The following LAMA2 variants were observed in gnomAD, a reference collection of about 807,000 sequenced individuals.
The protein encoded by LAMA2 is laminin subunit alpha-2.
In LAMA2, 269 loss-of-function variants were observed where a neutral mutation model predicts 364.8. That is an observed-to-expected ratio of 0.74 (90% CI 0.67 to 0.82). LAMA2 has a LOEUF of 0.82. Among genes scored for constraint, LAMA2 ranks in the 40% least tolerant of loss-of-function variants. The pLI is 0.00. For synonymous variants in LAMA2, 1,379 were observed against 1,370.6 expected, an observed-to-expected ratio of 1.01 and a Z score of -0.14; for missense variants, 3,807 against 3,873.2, an observed-to-expected ratio of 0.98 and a Z score of 0.45.
At chr6:129,058,005 G>C (rs542253978) in intron 2 of LAMA2, among the ~76,000 whole-genome samples, 12 of 152,132 alleles carry the variant, frequency 7.9e-5, no homozygotes, top group Non-Finnish European at 1.6e-4. Context: ...AAACACAGGA[G>C]TACAGGGAAG....
At position 129,192,773 on chromosome 6, in the gene LAMA2, A is replaced by G. The variant is rs754994339; in HGVS notation, c.1702A>G (p.Ser568Gly). 2.5e-6 allele frequency: 4 copies of G among 1,614,214 alleles called. No homozygotes were observed. The Admixed American group carries it at 6.7e-5, about 27-fold the overall frequency. ...CGACTTGGACTCACCTCAGCAGATC[A>G]GCATCAGTAACGCGGAGGCCCGGCA... ...QDDLDSPQQI[S>G]ISNAEARQAL... The change falls in exon 12 of 65, where the codon AGC becomes GGC. Residue 568 changes from serine (S) to glycine (G), a missense_variant. By Grantham distance (56) the Ser-to-Gly change is moderately conservative (BLOSUM62 0). Transcript: ENST00000421865.
At chr6:129,320,293 C>T (rs1167016997) in intron 27 of LAMA2, among the ~76,000 whole-genome samples, 5 of 152,100 alleles carry the variant, frequency 3.3e-5, no homozygotes, top group Non-Finnish European at 1.5e-5. Context: ...GGGATTGGTC[C>T]TGCTATCTCT....
At chr6:129,332,079 A>G (rs1406679446) in intron 29 of LAMA2, among the ~76,000 whole-genome samples, 1 of 152,208 alleles carries the variant, frequency 6.6e-6, no homozygotes, top group African/African-American at 2.4e-5. Flanking sequence ...ACATTCATTC[A>G]GATGGTGATC....
At chr6:128,927,967 C>A (rs1383674584) in intron 1 of LAMA2, among the ~76,000 whole-genome samples, 3 of 152,190 alleles carry the variant, frequency 2.0e-5, no homozygotes, top group African/African-American at 4.8e-5. Context: ...GTTTCTGGAA[C>A]TTTCCTCTCT....
chr6:128,922,131 A>C (rs1410580409), intron 1 of LAMA2, among the ~76,000 whole-genome samples: 1 of 152,036 alleles, frequency 6.6e-6, no homozygotes, highest in Non-Finnish European at 1.5e-5. Context: ...GGTTGGTTCC[A>C]AGTCTTTGCT....
chr6:129,177,945 C>T, intron 10 of LAMA2, 79 bp downstream of exon 10: 1 of 1,422,472 alleles, frequency 7.0e-7, no homozygotes. Context: ...ATTTCCTTGG[C>T]ATTAAGCAAT....
At chr6:129,451,098 T>A (rs1388665578) in intron 45 of LAMA2, among the ~76,000 whole-genome samples, 2 of 152,204 alleles carry the variant, frequency 1.3e-5, no homozygotes, top group East Asian at 3.8e-4. Context: ...TGGATGACCC[T>A]TGGTATAGCT....
intron 12 of LAMA2, among the ~76,000 whole-genome samples, chr6:129,211,451 C>T (rs1783096407): frequency 2.0e-5 from 3 of 152,222 alleles, no homozygotes; most frequent in Non-Finnish European, 2.9e-5. Flanking sequence ...CTTTATAAAA[C>T]TCAAATTTGA....
chr6:129,208,617 A>G (rs1178193050), intron 12 of LAMA2, among the ~76,000 whole-genome samples: 1 of 103,716 alleles, frequency 9.6e-6, no homozygotes, highest in Non-Finnish European at 2.0e-5. Flanking sequence ...GAAAGAATGG[A>G]AGAAAGAAAG....
At position 129,393,077 on chromosome 6, in the gene LAMA2, A is replaced by T. The variant is rs1210692884; in HGVS notation, c.5267A>T (p.Lys1756Met). 1 of 1,613,980 alleles carries T rather than the reference A, an allele frequency of 6.2e-7. No homozygotes were observed. Among genetic ancestry groups the T allele is most frequent in the Non-Finnish European group, 8.5e-7 (1 of 1,179,956 alleles). ...GAAGCCCTTCTGAAAAAAGTGAAGA[A>T]GCTGTTTGGAGAGTCCCGGGGGGAA... ...AAEALLKKVK[K>M]LFGESRGENE... Residue 1756 changes from lysine (K) to methionine (M), a missense_variant, in exon 37 of 65, where the codon AAG becomes ATG. Lys to Met is a moderately conservative substitution (Grantham distance 95). Coordinates refer to ENST00000421865, the MANE Select transcript of LAMA2 (RefSeq NM_000426.4).
At chr6:129,357,353 G>GT (rs1777205334) in intron 32 of LAMA2, among the ~76,000 whole-genome samples, 1 of 151,976 alleles carries the variant, frequency 6.6e-6, no homozygotes, top group South Asian at 2.1e-4. Flanking sequence ...ATTAAAATTA[G>GT]TATCTGTTGG....
intron 4 of LAMA2, among the ~76,000 whole-genome samples, chr6:129,126,266 TTG>T (rs1318065393): frequency 3.9e-5 from 6 of 152,100 alleles, no homozygotes; most frequent in Non-Finnish European, 7.4e-5. Context: ...GTGGAGTAGG[TTG>T]TGTTTGTTTT....
Position 129,177,833 on chromosome 6 carries a change from T to G in LAMA2, c.1434T>G (p.Asn478Lys). The G allele has an allele frequency of 2.5e-6, 4 of 1,613,934 alleles. No homozygotes were observed. Among genetic ancestry groups the G allele is most frequent in the Non-Finnish European group, 3.4e-6 (4 of 1,179,932 alleles). ...ACTGCAGTGGGTTAGGGAGCAAAAA[T>G]GAGGATCCTTGTTTTGGCCCCTGTA... is the stretch of plus-strand genomic sequence containing the variant. ...ACNCSGLGSK[N>K]EDPCFGPCIC... Residue 478 changes from asparagine (N) to lysine (K), a missense_variant, in exon 10 of 65, where the codon AAT becomes AAG. Physicochemically the swap from Asn to Lys is moderately conservative, Grantham distance 94. Transcript: ENST00000421865.
intron 32 of LAMA2, among the ~76,000 whole-genome samples, chr6:129,362,014 C>A (rs1201591213): frequency 6.6e-6 from 1 of 151,842 alleles, no homozygotes; most frequent in Admixed American, 6.6e-5. Flanking sequence ...AAACTTCTCA[C>A]CTCAAGTGAT....
chr6:129,107,897 C>T (rs765294241), intron 4 of LAMA2, among the ~76,000 whole-genome samples: 61 of 152,088 alleles, frequency 4.0e-4, no homozygotes, highest in Non-Finnish European at 8.4e-4. Flanking sequence ...TCTGCTCTGC[C>T]CTATAAGCTC....
chr6:129,196,015 A>G (rs1781823018), intron 12 of LAMA2, among the ~76,000 whole-genome samples: 1 of 152,188 alleles, frequency 6.6e-6, no homozygotes, highest in African/African-American at 2.4e-5. Context: ...CTGTTCCTGC[A>G]TTACCATTAA....
At chr6:129,503,457 T>C (rs2114892446) in intron 60 of LAMA2, among the ~76,000 whole-genome samples, 177 bp downstream of exon 60, 1 of 152,318 alleles carries the variant, frequency 6.6e-6, no homozygotes, top group South Asian at 2.1e-4. Context: ...CAGACCTGTG[T>C]AGGTTTGCAT....
chr6:129,063,516 A>G (rs4897295), intron 3 of LAMA2, among the ~76,000 whole-genome samples: 116,101 of 151,960 alleles, frequency 0.76, 45,779 homozygotes, highest in East Asian at 0.97. Context: ...AAACAGAGGG[A>G]GGCAGCTTTT....
chr6:129,427,763 T>A lies in LAMA2; in HGVS notation c.5877T>A (p.Pro1959=), dbSNP rs1267282962. 1 of 1,612,980 alleles carries A rather than the reference T, an allele frequency of 6.2e-7. No individual in the cohort carries two copies. The highest frequency in any genetic ancestry group is 1.3e-5 in the African/African-American group (1 of 74,898). The change falls in exon 41 of 65, where the codon CCT becomes CCA. Residue 1959 remains proline, a synonymous_variant. Coordinates refer to ENST00000421865, the MANE Select transcript of LAMA2 (RefSeq NM_000426.4). ...AHEATKLATG[P]RGLLKEDAKG... ...TTTTCTGTCCACAGGCAACAGGTCC[T>A]CGGGGTTTATTAAAGGAAGATGCCA...
Sources: gnomAD v4.1 joint callset for allele counts (sites outside exome capture counted in the v4.1 genomes callset) on GRCh38, gnomAD v4.1.1 for gene constraint, MANE v1.5 for transcripts, NCBI Gene and HGNC (gene_info 2026-07-23, HGNC 2026-07-21) for gene names.